SPIRE1: variants seen among roughly 807,000 people sequenced by gnomAD.
SPIRE1 encodes the protein protein spire homolog 1.
A neutral mutation model predicts 94.1 loss-of-function variants in SPIRE1; 40 were observed. That is an observed-to-expected ratio of 0.43 (90% CI 0.33 to 0.55). The LOEUF is 0.55. Ranked by LOEUF, SPIRE1 falls within the 20% of genes least tolerant of loss-of-function variation. The pLI is 0.06. For missense variants in SPIRE1, 838 were observed against 975.2 expected (o/e 0.86, Z 1.87); for synonymous variants, 376 against 371.7 (o/e 1.01, Z -0.13).
chr18:12,567,051 C>T (rs956627062), intron 2 of SPIRE1, among the ~76,000 whole-genome samples: 2 of 152,124 alleles, frequency 1.3e-5, no homozygotes, highest in Admixed American at 6.5e-5. Context: ...TCGCAGATGA[C>T]ATGATCATCT....
intron 2 of SPIRE1, among the ~76,000 whole-genome samples, chr18:12,566,035 C>T (rs368813567): frequency 7.2e-6 from 1 of 139,594 alleles, no homozygotes; most frequent in Non-Finnish European, 1.6e-5. Flanking sequence ...AACAAACAAA[C>T]AAAAAAAAAA....
chr18:12,587,570 T>C (rs1166157481), intron 2 of SPIRE1, among the ~76,000 whole-genome samples: 2 of 152,100 alleles, frequency 1.3e-5, no homozygotes, highest in Non-Finnish European at 2.9e-5. Flanking sequence ...AGGTGCCCAT[T>C]AGAAATCAGT....
chr18:12,543,514 CT>C (rs1328536966), intron 3 of SPIRE1, among the ~76,000 whole-genome samples: 2 of 152,186 alleles, frequency 1.3e-5, no homozygotes, highest in East Asian at 3.8e-4. Context: ...TACTCTCCCC[CT>C]GACTTACTTT....
rs571807326 is a variant in SPIRE1 at position 12,481,970 on chromosome 18, C to T, written c.1232-2099G>A. On this transcript the variant is annotated intron_variant, in intron 9 of 16. Transcript: ENST00000409402. ...ACCACGTTCTCACAGAGGCTCCCAC[C>T]GCTGACCTGGCAGCAGGTCACTTTC... Among the ~76,000 whole-genome samples, 21 of 152,166 alleles carry T rather than the reference C, an allele frequency of 1.4e-4. 1 individual carries two copies. In the Middle Eastern group the frequency reaches 0.017, roughly 123 times the overall value.
At chr18:12,493,705 C>T (rs1193633918) in intron 7 of SPIRE1, among the ~76,000 whole-genome samples, 1 of 152,184 alleles carries the variant, frequency 6.6e-6, no homozygotes, top group Non-Finnish European at 1.5e-5. Flanking sequence ...CTGCACCTGG[C>T]TACACTTTGA....
chr18:12,558,738 G>A (rs996581253), intron 2 of SPIRE1, among the ~76,000 whole-genome samples: 2 of 152,102 alleles, frequency 1.3e-5, no homozygotes, highest in African/African-American at 4.8e-5. Context: ...ATAGAGTGCT[G>A]ACTGGTGCAT....
rs113474325 is a variant in SPIRE1 at position 12,612,877 on chromosome 18, A to C, written c.372+22185T>G. 2.4e-3 allele frequency among the ~76,000 whole-genome samples: 366 copies of C among 152,266 alleles called. 3 individuals are homozygous for C. The highest frequency in any genetic ancestry group is 0.014 in the South Asian group (69 of 4,826). The stretch of plus-strand genomic sequence containing the variant: ...CCTTATCTCCTTCAAGACCTTGTTA[A>C]TCTATAACTACTTTGGGAGGTGTAC... On this transcript the variant is annotated intron_variant, in intron 2 of 16. Coordinates refer to ENST00000409402, the MANE Select transcript of SPIRE1 (RefSeq NM_001128626.2).
In SPIRE1 at chr18:12,633,312, C is replaced by T. The variant is rs2037831612; in HGVS notation, c.372+1750G>A. ...TCCTTTCAAAGTTGAATAGAAAATG[C>T]AAAAATGGGCCGGGCACAGTGGCTC... On this transcript the variant is annotated intron_variant, in intron 2 of 16. Coordinates refer to ENST00000409402, the MANE Select transcript of SPIRE1 (RefSeq NM_001128626.2). Among the ~76,000 whole-genome samples, 6 of 152,102 alleles carry T rather than the reference C, an allele frequency of 3.9e-5. No individual in the cohort carries two copies. In the South Asian group the frequency reaches 1.2e-3, roughly 32 times the overall value.
chr18:12,531,285 G>A (rs887826430), intron 4 of SPIRE1, among the ~76,000 whole-genome samples: 1 of 152,034 alleles, frequency 6.6e-6, no homozygotes, highest in Non-Finnish European at 1.5e-5. Context: ...CCTAACACCA[G>A]CATGTGCATG....
upstream of SPIRE1, chr18:12,661,391 C>CT: frequency 1.0e-6 from 1 of 981,364 alleles, no homozygotes; most frequent in Non-Finnish European, 1.2e-6. Context: ...CACTCAAAGG[C>CT]TACCAGCCAT....
chr18:12,626,040 C>CCG (rs1470929556), intron 2 of SPIRE1, among the ~76,000 whole-genome samples: 1 of 95,650 alleles, frequency 1.0e-5, no homozygotes, highest in Non-Finnish European at 2.7e-5. Context: ...CCACACCGCC[C>CCG]CGCCCCCCCC....
intron 6 of SPIRE1, among the ~76,000 whole-genome samples, chr18:12,502,727 T>C (rs747056217): frequency 6.6e-5 from 10 of 152,022 alleles, no homozygotes; most frequent in Admixed American, 2.6e-4. Context: ...CATCATAATA[T>C]GGATTAAAAC....
chr18:12,650,084 C>T (rs1303246620), intron 1 of SPIRE1, among the ~76,000 whole-genome samples: 1 of 151,944 alleles, frequency 6.6e-6, no homozygotes, highest in Non-Finnish European at 1.5e-5. Context: ...ACTAAAAATA[C>T]AAAAATTAGC....
rs869122444 is a variant in SPIRE1, at chr18:12,549,439, G to GTTTTTTTTTTT, written c.373-2546_373-2536dup. Among the ~76,000 whole-genome samples the GTTTTTTTTTTT allele has an allele frequency of 1.0e-3, 42 of 41,258 alleles. 7 individuals carry two copies. Among genetic ancestry groups the GTTTTTTTTTTT allele is most frequent in the Non-Finnish European group, 1.1e-3 (29 of 25,944 alleles). 27.1% of individuals were successfully genotyped at this position (41,258 alleles called of 152,430 possible). ...CTTTTTGTTTGTTTTTGTTATTGTTGTTTTTTTTTTTTTTTTTTTTTTTTT... is the reference window on the plus strand; with the variant it reads ...CTTTTTGTTTGTTTTTGTTATTGTTGTTTTTTTTTTTTTTTTTTTTTTTTTTTTTTTTTTTT... On this transcript the variant is annotated intron_variant, in intron 2 of 16. Transcript: ENST00000409402.
intron 2 of SPIRE1, among the ~76,000 whole-genome samples, chr18:12,576,450 C>T (rs1001937800): frequency 4.7e-5 from 7 of 150,422 alleles, no homozygotes; most frequent in Non-Finnish European, 8.9e-5. Context: ...GGTGTGGTGG[C>T]GGGTGCCTGT....
intron 1 of SPIRE1, among the ~76,000 whole-genome samples, chr18:12,652,324 A>G (rs951511029): frequency 2.0e-5 from 3 of 152,226 alleles, no homozygotes; most frequent in African/African-American, 7.2e-5. Context: ...AGCGTGTGAA[A>G]GTTAAAACTT....
rs576887224 is a variant in SPIRE1 at position 12,579,366 on chromosome 18, A to T, written c.373-32462T>A. Among the ~76,000 whole-genome samples, 26 of 152,322 alleles carry T rather than the reference A, an allele frequency of 1.7e-4. No homozygotes were observed. The Middle Eastern group carries it at 0.01, about 60-fold the overall frequency. ...GGATGATCCCTAAAAACATTATGCTAAGTGTAAGAAGCTAGACACTAAAAG... is the reference window on the plus strand; with the variant it reads ...GGATGATCCCTAAAAACATTATGCTTAGTGTAAGAAGCTAGACACTAAAAG... On this transcript the variant is annotated intron_variant, in intron 2 of 16. Coordinates refer to ENST00000409402, the MANE Select transcript of SPIRE1 (RefSeq NM_001128626.2).
chr18:12,486,140 G>A (rs2033030998), intron 8 of SPIRE1, 140 bp from the exon 9 acceptor site: 1 of 624,606 alleles, frequency 1.6e-6, no homozygotes, highest in Non-Finnish European at 2.8e-6. Context: ...GCTAGTGAAT[G>A]AAAATCTGAA....
chr18:12,489,712 G>A (rs892704941), intron 8 of SPIRE1, among the ~76,000 whole-genome samples: 8 of 152,144 alleles, frequency 5.3e-5, no homozygotes, highest in Admixed American at 1.3e-4. Flanking sequence ...CTTATAAATC[G>A]TATTTGGAGT....
Sources: allele counts gnomAD v4.1 joint callset (sites outside exome capture counted in the v4.1 genomes callset), GRCh38; gene constraint gnomAD v4.1.1; transcripts MANE v1.5; gene names NCBI Gene and HGNC (gene_info 2026-07-23, HGNC 2026-07-21).